The following DLG5 variants were observed in gnomAD, a reference collection of about 807,000 sequenced individuals.
The protein encoded by DLG5 is discs large MAGUK scaffold protein 5.
In DLG5, 48 loss-of-function variants were observed where a neutral mutation model predicts 189.8. The observed-to-expected ratio is 0.25, with a 90% CI of 0.20 to 0.32. The LOEUF (loss-of-function observed/expected upper bound fraction) is 0.32. DLG5 is among the 10% of genes least tolerant of loss of function. The pLI is 1.00. For missense variants in DLG5, 2,160 were observed against 2,544.7 expected, an observed-to-expected ratio of 0.85 and a Z score of 3.25; for synonymous variants, 1,016 against 1,054.1, an observed-to-expected ratio of 0.96 and a Z score of 0.70.
rs1213809064 is a variant in DLG5, at chr10:77,791,343, C to A, written c.*1097G>T. The A allele has an allele frequency of 3.2e-3, 392 of 122,906 alleles. 2 individuals carry two copies. The highest frequency in any genetic ancestry group is 8.3e-3 in the South Asian group (31 of 3,730). The allele number at this position is 122,906 out of a possible 1,614,324, so 7.6% of individuals were successfully genotyped here. ...CCAGACATATCTAGCCTCAGAAGTG[C>A]AAAAAAAAAAAAAGCCCCCAAACGA... On this transcript the variant is annotated 3_prime_UTR_variant, in exon 32 of 32. Transcript: ENST00000372391.
chr10:77,906,525 A>C (rs1023475676), intron 1 of DLG5, among the ~76,000 whole-genome samples: 6 of 152,176 alleles, frequency 3.9e-5, no homozygotes, highest in African/African-American at 1.4e-4. Context: ...ACTGGCCTAC[A>C]AAATGCCATC....
chr10:77,828,312 C>G (rs560336393), intron 13 of DLG5, among the ~76,000 whole-genome samples: 2 of 151,776 alleles, frequency 1.3e-5, no homozygotes, highest in Non-Finnish European at 2.9e-5. Flanking sequence ...ATGGTGAAAC[C>G]CCATCTCTAC....
intron 2 of DLG5, among the ~76,000 whole-genome samples, chr10:77,857,319 G>C (rs912099444): frequency 7.9e-5 from 12 of 152,194 alleles, no homozygotes; most frequent in Admixed American, 7.9e-4. Context: ...GGCATGGCTC[G>C]AGGAGAAAGG....
chr10:77,889,239 C>T (rs1411661306), intron 1 of DLG5, among the ~76,000 whole-genome samples: 3 of 151,916 alleles, frequency 2.0e-5, no homozygotes, highest in African/African-American at 7.3e-5. Flanking sequence ...AGGTAACCTC[C>T]CAGGCCTCTG....
chr10:77,908,958 A>G lies in DLG5; in HGVS notation c.304+17259T>C, dbSNP rs139634876. On this transcript the variant is annotated intron_variant, in intron 1 of 31. Coordinates refer to ENST00000372391, the MANE Select transcript of DLG5 (RefSeq NM_004747.4). ...TTCTGGTATTTCTAAAAGCTCCACAATAGAGCAATTAAAAAGGAAAACCTT... is the reference window on the plus strand; with the variant it reads ...TTCTGGTATTTCTAAAAGCTCCACAGTAGAGCAATTAAAAAGGAAAACCTT... Among the ~76,000 whole-genome samples, 529 of 152,322 alleles carry G rather than the reference A, an allele frequency of 3.5e-3. 2 individuals are homozygous for G. Among genetic ancestry groups the G allele is most frequent in the South Asian group, 0.018 (89 of 4,818 alleles).
chr10:77,937,247 A>C, the DLG5 span, among the ~76,000 whole-genome samples: 3 of 152,018 alleles, frequency 2.0e-5, no homozygotes. Context: ...CCCAGGGCCC[A>C]CTTCTGCCTC....
chr10:77,926,230 G>T lies in DLG5; in HGVS notation c.291C>A (p.Pro97=), dbSNP rs533350957. The part of the protein sequence containing the change: ...YLNGVVGPPQ[P]AEGAGSTYSV... ...TCTGCCACTCACCCGCGCCTTCGGC[G>T]GGCTGCGGCGGCCCGACGACGCCGT... The change falls in exon 1 of 32, where the codon CCC becomes CCA. Residue 97 remains proline (P), a synonymous_variant. Coordinates refer to ENST00000372391, the MANE Select transcript of DLG5 (RefSeq NM_004747.4). This position sits in a 1 kb window ranked among gnomAD's most constrained non-coding sequence, Gnocchi z 5.2. 2.7e-5 allele frequency: 40 copies of T among 1,503,394 alleles called. No homozygotes were observed. In the African/African-American group the frequency reaches 4.1e-4, roughly 15 times the overall value. 93.1% of individuals were successfully genotyped at this position (1,503,394 alleles called of 1,614,324 possible). A position where few individuals can be genotyped will look rare whatever the true frequency, so the allele number is the denominator to read the frequency against.
intron 5 of DLG5, among the ~76,000 whole-genome samples, chr10:77,846,193 C>T (rs558070412): frequency 7.2e-5 from 11 of 151,804 alleles, no homozygotes; most frequent in Non-Finnish European, 1.0e-4. Context: ...GGCAGTGAGC[C>T]GAGATCACGC....
intron 1 of DLG5, among the ~76,000 whole-genome samples, chr10:77,880,962 C>CTTTTTTTTT (rs61636782): frequency 4.1e-5 from 3 of 73,238 alleles, no homozygotes; most frequent in Admixed American, 2.1e-4. Context: ...AACCCTAGAC[C>CTTTTTTTTT]TTTTTTTTTT....
In DLG5 at chr10:77,843,641, C is replaced by T; in HGVS notation, c.930G>A (p.Leu310=). 1 of 1,613,984 alleles carries T rather than the reference C, an allele frequency of 6.2e-7. No individual in the cohort carries two copies. Among genetic ancestry groups the T allele is most frequent in the Non-Finnish European group, 8.5e-7 (1 of 1,180,012 alleles). ...NKLYDTAMDK[L]EVVKKDYDAL... The stretch of plus-strand genomic sequence containing the variant: ...CGTCATAGTCCTTCTTGACCACCTC[C>T]AACTTGTCCATGGCCGTGTCATACA... The change falls in exon 6 of 32, where the codon TTG becomes TTA. Residue 310 remains leucine, a synonymous_variant. Transcript: ENST00000372391.
At chr10:77,837,774 T>C (rs1843219991) in intron 7 of DLG5, among the ~76,000 whole-genome samples, 1 of 152,206 alleles carries the variant, frequency 6.6e-6, no homozygotes, top group Non-Finnish European at 1.5e-5. Flanking sequence ...CGGCATCAGA[T>C]GTCAGTCTGA....
chr10:77,914,643 G>A (rs1846312668), intron 1 of DLG5, among the ~76,000 whole-genome samples: 1 of 151,930 alleles, frequency 6.6e-6, no homozygotes, highest in South Asian at 2.1e-4. Context: ...TGCCCCCTGG[G>A]TCATTCATCC....
chr10:77,822,100 A>G lies in DLG5; in HGVS notation c.2384T>C (p.Val795Ala), dbSNP rs1842397911. ...ACTCCACGAGGAGCTCTGAGGGAATACCTAGGCAGGGATTGCAGAGGAGTG... is the reference window on the plus strand; with the variant it reads ...ACTCCACGAGGAGCTCTGAGGGAATGCCTAGGCAGGGATTGCAGAGGAGTG... ...QDSLTLSLLKVFPQSSSWSGQ... is the reference protein window; with the variant it reads ...QDSLTLSLLKAFPQSSSWSGQ... The change falls in exon 15 of 32, where the codon GTA (valine) becomes GCA (alanine). Residue 795 changes from valine (V) to alanine (A), a missense_variant and splice_region_variant. Physicochemically the swap from Val to Ala is moderately conservative, Grantham distance 64. Transcript: ENST00000372391. 6.2e-7 allele frequency: 1 copy of G among 1,609,510 alleles called. No homozygotes were observed. Among genetic ancestry groups the G allele is most frequent in the African/African-American group, 1.3e-5 (1 of 74,764 alleles).
chr10:77,798,561 T>G (rs1203807373), intron 27 of DLG5, among the ~76,000 whole-genome samples: 1 of 152,220 alleles, frequency 6.6e-6, no homozygotes, highest in Non-Finnish European at 1.5e-5. Context: ...AAACTGATTT[T>G]TATATGCTAA....
At chr10:77,808,796 G>T (rs990518952) in intron 24 of DLG5, among the ~76,000 whole-genome samples, 3 of 152,298 alleles carry the variant, frequency 2.0e-5, no homozygotes, top group Admixed American at 1.3e-4. Context: ...GGTTTACAGG[G>T]ATTAAAAATC....
chr10:77,825,507 T>G (rs1291618190), intron 13 of DLG5, among the ~76,000 whole-genome samples: 1 of 151,804 alleles, frequency 6.6e-6, no homozygotes, highest in Non-Finnish European at 1.5e-5. Flanking sequence ...AGGACCCCCC[T>G]GTACTATCTC....
intron 1 of DLG5, among the ~76,000 whole-genome samples, chr10:77,895,850 G>A (rs61855848): frequency 6.6e-6 from 1 of 152,056 alleles, no homozygotes; most frequent in South Asian, 2.1e-4. Context: ...TCTCTACCCA[G>A]GGCTCAAATG....
At position 77,843,430 on chromosome 10, in the gene DLG5, G is replaced by T. The variant is rs188812734; in HGVS notation, c.1124+17C>A. 2 of 1,610,728 alleles carry T rather than the reference G, an allele frequency of 1.2e-6. No individual in the cohort carries two copies. Among genetic ancestry groups the T allele is most frequent in the Non-Finnish European group, 8.5e-7 (1 of 1,178,958 alleles). On this transcript the variant is annotated intron_variant, in intron 6 of 31. Coordinates refer to ENST00000372391, the MANE Select transcript of DLG5 (RefSeq NM_004747.4). ...TAGGACCCATTTGCCCCCGGCCCCC[G>T]ATGGCCCTAGCCCTACCTCCTCAGG...
At chr10:77,862,966 G>A (rs1341557175) in intron 2 of DLG5, among the ~76,000 whole-genome samples, 1 of 152,148 alleles carries the variant, frequency 6.6e-6, no homozygotes, top group Non-Finnish European at 1.5e-5. Flanking sequence ...AAGATACAGA[G>A]GGCAGTGTTT....
Sources: gnomAD v4.1 joint callset for allele counts (sites outside exome capture counted in the v4.1 genomes callset) on GRCh38, gnomAD v4.1.1 for gene constraint, Gnocchi (gnomAD v3.1) non-coding constraint, MANE v1.5 for transcripts, NCBI Gene and HGNC (gene_info 2026-07-23, HGNC 2026-07-21) for gene names.